Variants in VAT1L observed in about 807,000 individuals in gnomAD.
VAT1L encodes the protein vesicle amine transport 1 like, also known as putative NADPH-dependent quinone oxidoreductase VAT1L.
VAT1L carries 34 observed loss-of-function variants against 44.1 expected under a neutral mutation model. The ratio of observed to expected loss-of-function variants is 0.77; its 90% CI spans 0.59 to 1.03. The LOEUF (loss-of-function observed/expected upper bound fraction) is 1.03. Among genes scored for constraint, VAT1L ranks in the 50% least tolerant of loss-of-function variants. The pLI, the probability that VAT1L is intolerant of heterozygous loss-of-function variation, is 0.00. For missense variants in VAT1L, 615 were observed against 538.8 expected (o/e 1.14, Z -1.40); for synonymous variants, 253 against 202.2 (o/e 1.25, Z -2.13).
intron 8 of VAT1L, 49 bp from the exon 9 acceptor site, chr16:77,977,548 A>T (rs1372179324): frequency 6.3e-6 from 10 of 1,587,132 alleles, no homozygotes; most frequent in Non-Finnish European, 8.6e-6. Context: ...CTCAGAGATG[A>T]CGAGGCTGGG....
chr16:77,873,546 C>G (rs1329079147), intron 4 of VAT1L, among the ~76,000 whole-genome samples: 1 of 152,170 alleles, frequency 6.6e-6, no homozygotes, highest in Non-Finnish European at 1.5e-5. Context: ...CTATATCCAA[C>G]AGGAAGAGAA....
chr16:77,815,779 C>T (rs1002641407), intron 1 of VAT1L, among the ~76,000 whole-genome samples: 1 of 151,190 alleles, frequency 6.6e-6, no homozygotes, highest in Non-Finnish European at 1.5e-5. Flanking sequence ...ACCAGCCTGG[C>T]CAACATGGCG....
At chr16:77,848,006 G>C (rs1390390753) in intron 3 of VAT1L, among the ~76,000 whole-genome samples, 2 of 152,208 alleles carry the variant, frequency 1.3e-5, no homozygotes, top group Non-Finnish European at 2.9e-5. Context: ...ATTTGCCAAA[G>C]AGAAGAGTTG....
intron 7 of VAT1L, among the ~76,000 whole-genome samples, chr16:77,893,269 TG>T (rs1353917044): frequency 6.6e-6 from 1 of 151,646 alleles, no homozygotes; most frequent in East Asian, 1.9e-4. Flanking sequence ...CCAACCAAAG[TG>T]GGGGTGTGGG....
rs779156303 is a variant in VAT1L at position 77,825,438 on chromosome 16, G to A, written c.556G>A (p.Val186Met). The A allele has an allele frequency of 1.0e-5, 16 of 1,598,696 alleles. No homozygotes were observed. The highest frequency in any genetic ancestry group is 9.0e-5 in the East Asian group (4 of 44,570). The change falls in exon 3 of 9, where the codon GTG becomes ATG. Residue 186 changes from valine to methionine, a missense_variant. Transcript: ENST00000302536. ...CCTCCGGGAAGGGATGTCTGTGCTCGTGCACTCAGCTGGTGGGGGCGTGGT... is the reference window on the plus strand; with the variant it reads ...CCTCCGGGAAGGGATGTCTGTGCTCATGCACTCAGCTGGTGGGGGCGTGGT... Reference protein sequence around the residue: ...ANLREGMSVLVHSAGGGVGQA... With the variant: ...ANLREGMSVLMHSAGGGVGQA...
chr16:77,886,839 C>T (rs1361167495), intron 7 of VAT1L, among the ~76,000 whole-genome samples: 2 of 152,136 alleles, frequency 1.3e-5, no homozygotes, highest in Non-Finnish European at 1.5e-5. Flanking sequence ...ATTGTTGCTC[C>T]TCTAAAGAGA....
chr16:77,860,216 G>A (rs911823159), intron 3 of VAT1L, among the ~76,000 whole-genome samples: 1 of 152,200 alleles, frequency 6.6e-6, no homozygotes, highest in Non-Finnish European at 1.5e-5. Context: ...AATTTCTGAT[G>A]TTTAAGCCAC....
At chr16:77,864,179 A>G (rs1277954689) in intron 4 of VAT1L, among the ~76,000 whole-genome samples, 5 of 152,218 alleles carry the variant, frequency 3.3e-5, no homozygotes. Context: ...CTCAGGGTCC[A>G]TGCCACTCAG....
At chr16:77,818,895 C>T (rs1465712819) in intron 2 of VAT1L, among the ~76,000 whole-genome samples, 1 of 152,182 alleles carries the variant, frequency 6.6e-6, no homozygotes, top group African/African-American at 2.4e-5. Flanking sequence ...TGCAGCAGCA[C>T]ACTGAATAGC....
At chr16:77,958,846 G>A (rs961439610) in intron 7 of VAT1L, among the ~76,000 whole-genome samples, 7 of 152,132 alleles carry the variant, frequency 4.6e-5, no homozygotes, top group African/African-American at 1.4e-4. Flanking sequence ...TCTGTCTCTT[G>A]TAAGCCAGTG....
chr16:77,931,031 T>C (rs2017725699), intron 7 of VAT1L, among the ~76,000 whole-genome samples: 1 of 152,166 alleles, frequency 6.6e-6, no homozygotes, highest in Non-Finnish European at 1.5e-5. Context: ...CAGATTTAGC[T>C]AAAAAGTAAT....
At chr16:77,960,479 C>G (rs565646873) in intron 7 of VAT1L, among the ~76,000 whole-genome samples, 4 of 152,264 alleles carry the variant, frequency 2.6e-5, no homozygotes, top group African/African-American at 4.8e-5. Context: ...AAGGCATTAA[C>G]AGATTGCACA....
intron 2 of VAT1L, among the ~76,000 whole-genome samples, chr16:77,818,412 C>G (rs569214305): frequency 3.3e-5 from 5 of 152,028 alleles, no homozygotes; most frequent in Non-Finnish European, 5.9e-5. Flanking sequence ...TTCTTTTATA[C>G]GAATTTACAT....
chr16:77,884,527 C>T lies in VAT1L; in HGVS notation c.883-81C>T, dbSNP rs1210717633. 12 of 1,436,822 alleles carry T rather than the reference C, an allele frequency of 8.4e-6. No individual in the cohort carries two copies. The highest frequency in any genetic ancestry group is 2.6e-5 in the South Asian group (2 of 76,696). 89.0% of individuals were successfully genotyped at this position (1,436,822 alleles called of 1,614,324 possible). On this transcript the variant is annotated intron_variant, in intron 6 of 8. Coordinates refer to ENST00000302536, the MANE Select transcript of VAT1L (RefSeq NM_020927.3). The surrounding 1 kb of genome is among the most constrained non-coding windows in gnomAD (Gnocchi z 4.5). ...CAGCCCCACGTTCCCCCTGTAGTAG[C>T]TGATGACATCAGCAATGCTGCCAAT...
intron 7 of VAT1L, among the ~76,000 whole-genome samples, chr16:77,943,067 G>C (rs1000217605): frequency 6.8e-6 from 1 of 146,890 alleles, no homozygotes; most frequent in Admixed American, 6.8e-5. Context: ...TTTTTTGTTT[G>C]TTTTTTTGAG....
At position 77,797,427 on chromosome 16, in the gene VAT1L, G is replaced by T. The variant is rs114084677; in HGVS notation, c.233+8512G>T. On this transcript the variant is annotated intron_variant, in intron 1 of 8. Coordinates refer to ENST00000302536, the MANE Select transcript of VAT1L (RefSeq NM_020927.3). Reference sequence around the variant, plus strand: ...CGCCCAGCAATTTTTCTTTTTTTAGGATGCTAGCTTTCAAAGCCACCCAAC... The same window carrying T: ...CGCCCAGCAATTTTTCTTTTTTTAGTATGCTAGCTTTCAAAGCCACCCAAC... Among the ~76,000 whole-genome samples, 601 of 152,182 alleles carry T rather than the reference G, an allele frequency of 3.9e-3. 2 individuals carry two copies. The highest frequency in any genetic ancestry group is 0.014 in the African/African-American group (577 of 41,518).
intron 7 of VAT1L, among the ~76,000 whole-genome samples, chr16:77,911,348 C>G (rs1381371067): frequency 6.6e-6 from 1 of 152,098 alleles, no homozygotes; most frequent in African/African-American, 2.4e-5. Context: ...TACTATCAGC[C>G]CTGGGGAGAC....
Position 77,817,017 on chromosome 16 carries a change from T to G in VAT1L, c.330T>G (p.Val110=). Residue 110 remains valine (V), a synonymous_variant, in exon 2 of 9, where the codon GTT becomes GTG. Transcript: ENST00000302536. ...CAGGATTTGAGTGTTCTGGGATTGT[T>G]GAAGCTCTGGGGGACAGCGTGAAAG... is the stretch of plus-strand genomic sequence containing the variant. ...LVPGFECSGI[V]EALGDSVKGY... 1 of 1,614,006 alleles carries G rather than the reference T, an allele frequency of 6.2e-7. No individual in the cohort carries two copies. Among genetic ancestry groups the G allele is most frequent in the South Asian group, 1.1e-5 (1 of 91,064 alleles).
rs150014663 is a variant in VAT1L at position 77,794,710 on chromosome 16, A to C, written c.233+5795A>C. ...GGTTTCTAATGCCAAGCCAGGAGCCACTCTGACATGGAGATTGGAATAATG... is the reference window on the plus strand; with the variant it reads ...GGTTTCTAATGCCAAGCCAGGAGCCCCTCTGACATGGAGATTGGAATAATG... On this transcript the variant is annotated intron_variant, in intron 1 of 8. Coordinates refer to ENST00000302536, the MANE Select transcript of VAT1L (RefSeq NM_020927.3). Among the ~76,000 whole-genome samples the C allele has an allele frequency of 2.9e-3, 441 of 152,248 alleles. 1 individual carries two copies. Among genetic ancestry groups the C allele is most frequent in the African/African-American group, 0.01 (421 of 41,556 alleles).
Sources: gnomAD v4.1 joint callset for allele counts (sites outside exome capture counted in the v4.1 genomes callset) on GRCh38, gnomAD v4.1.1 for gene constraint, Gnocchi (gnomAD v3.1) non-coding constraint, MANE v1.5 for transcripts, NCBI Gene and HGNC (gene_info 2026-07-23, HGNC 2026-07-21) for gene names.